The following ZSCAN2 variants were observed in gnomAD, a reference collection of about 807,000 sequenced individuals.
The protein encoded by ZSCAN2 is zinc finger and SCAN domain-containing protein 2.
A neutral mutation model predicts 47.8 loss-of-function variants in ZSCAN2; 26 were observed. The observed-to-expected ratio is 0.54, with a 90% confidence interval of 0.40 to 0.75. The LOEUF is 0.75. ZSCAN2 is among the 30% of genes least tolerant of loss of function. The pLI, the probability that ZSCAN2 is intolerant of heterozygous loss-of-function variation, is 0.00. For synonymous variants in ZSCAN2, 305 were observed against 288.7 expected (o/e 1.06, Z -0.57); for missense variants, 732 against 785.4 (o/e 0.93, Z 0.81).
intron 1 of ZSCAN2, among the ~76,000 whole-genome samples, chr15:84,602,813 T>A (rs1471070790): frequency 1.3e-5 from 2 of 152,034 alleles, no homozygotes; most frequent in Admixed American, 1.3e-4. Flanking sequence ...GGTCTCGAAC[T>A]CCTGACCTCA....
intron 2 of ZSCAN2, among the ~76,000 whole-genome samples, chr15:84,604,738 C>CTTTTTTTT (rs11459006): frequency 1.9e-4 from 25 of 128,996 alleles, no homozygotes; most frequent in Middle Eastern, 4.0e-3. Flanking sequence ...TTTCTTTTTT[C>CTTTTTTTT]TTTTTTTTTT....
Position 84,608,547 on chromosome 15 carries a change from AAAAG to A in ZSCAN2, c.406+4218_406+4221del, listed in dbSNP as rs1895451630. Among the ~76,000 whole-genome samples the A allele has an allele frequency of 3.3e-5, 5 of 151,490 alleles. No homozygotes were observed. The South Asian group carries it at 8.4e-4, about 25-fold the overall frequency. ...CTCTGTCTCAAAAAAAAAAAAAAAA[AAAAG>A]AAACTGAGGGCGATGCCCAGCATTC... On this transcript the variant is annotated intron_variant, in intron 2 of 2. Transcript: ENST00000546148.
chr15:84,608,086 A>G (rs1201456305), intron 2 of ZSCAN2, among the ~76,000 whole-genome samples: 9 of 151,974 alleles, frequency 5.9e-5, no homozygotes, highest in Non-Finnish European at 1.5e-5. Flanking sequence ...TCTTCTAGGA[A>G]CCTGTAAAAT....
chr15:84,604,622 C>T (rs1205216389), intron 2 of ZSCAN2, among the ~76,000 whole-genome samples: 4 of 152,044 alleles, frequency 2.6e-5, no homozygotes, highest in Non-Finnish European at 5.9e-5. Flanking sequence ...GGAAGTTAAA[C>T]GGGAGGAGAT....
At chr15:84,606,179 C>CT (rs1266414275) in intron 2 of ZSCAN2, among the ~76,000 whole-genome samples, 2 of 152,222 alleles carry the variant, frequency 1.3e-5, no homozygotes, top group Non-Finnish European at 2.9e-5. Context: ...GGGGCAGAGA[C>CT]TATCACAAAC....
chr15:84,612,232 T>C (rs1895570361), intron 2 of ZSCAN2: 1 of 152,228 alleles, frequency 6.6e-6, no homozygotes, highest in African/African-American at 2.4e-5. Flanking sequence ...TTCTGTCCTG[T>C]AGAATGACTC....
intron 1 of ZSCAN2, among the ~76,000 whole-genome samples, chr15:84,603,476 C>A (rs1895273923): frequency 1.3e-5 from 2 of 150,606 alleles, no homozygotes; most frequent in Non-Finnish European, 2.9e-5. Flanking sequence ...TCAAGAGATT[C>A]TCCTGCCTCA....
At chr15:84,614,628 A>C (rs1895645384) in intron 2 of ZSCAN2, 1 of 152,192 alleles carries the variant, frequency 6.6e-6, no homozygotes, top group African/African-American at 2.4e-5. Flanking sequence ...TCGAATATAG[A>C]GAAATCTTTT....
rs745537668 is a variant in ZSCAN2, at chr15:84,609,999, C to T, written c.406+5666C>T. On this transcript the variant is annotated intron_variant, in intron 2 of 2. Coordinates refer to ENST00000546148, the MANE Select transcript of ZSCAN2 (RefSeq NM_181877.4). ...TGTGGCCAGGCGAGGACACGCAGGG[C>T]CCTGTGAACGGCCACGGGAATTTGT... Among the ~76,000 whole-genome samples, 13 of 152,206 alleles carry T rather than the reference C, an allele frequency of 8.5e-5. 1 individual carries two copies. Among genetic ancestry groups the T allele is most frequent in the Non-Finnish European group, 1.9e-4 (13 of 68,036 alleles).
intron 2 of ZSCAN2, 23 bp downstream of exon 2, chr15:84,604,356 G>A (rs1450241136): frequency 1.9e-6 from 3 of 1,578,470 alleles, no homozygotes; most frequent in African/African-American, 1.3e-5. Flanking sequence ...ACCTCATAGG[G>A]AGAGGGCGGG....
chr15:84,606,408 T>C (rs1360535998), intron 2 of ZSCAN2: 1 of 778,938 alleles, frequency 1.3e-6, no homozygotes, highest in Non-Finnish European at 2.2e-6. Flanking sequence ...GACCTGTCTC[T>C]TTCTGCATGG....
At chr15:84,613,134 C>G (rs1367693774) in intron 2 of ZSCAN2, among the ~76,000 whole-genome samples, 1 of 152,064 alleles carries the variant, frequency 6.6e-6, no homozygotes. Context: ...AGAGGCCAAC[C>G]GTATTGTATG....
intron 2 of ZSCAN2, among the ~76,000 whole-genome samples, chr15:84,617,342 A>C (rs1895717549): frequency 6.6e-6 from 1 of 151,944 alleles, no homozygotes; most frequent in Non-Finnish European, 1.5e-5. Context: ...AGGCTGAGGC[A>C]GGAGAATTGC....
intron 2 of ZSCAN2, chr15:84,611,778 AAAG>A (rs1388889384): frequency 2.6e-5 from 4 of 152,118 alleles, no homozygotes; most frequent in African/African-American, 9.7e-5. Flanking sequence ...GAACAACAAA[AAAG>A]TGGATGTCTG....
intron 2 of ZSCAN2, among the ~76,000 whole-genome samples, chr15:84,613,981 C>CTTTTTTTTT (rs35815000): frequency 9.6e-5 from 5 of 52,332 alleles, no homozygotes; most frequent in Admixed American, 3.1e-4. Flanking sequence ...CTCTTGGCCT[C>CTTTTTTTTT]TTTTTTTTTT....
intron 2 of ZSCAN2, chr15:84,606,508 A>G: frequency 3.8e-6 from 6 of 1,583,990 alleles, no homozygotes; most frequent in Non-Finnish European, 5.2e-6. Flanking sequence ...AAATAAGCAA[A>G]CCTGTCTCCC....
chr15:84,620,636 T>G lies in ZSCAN2; in HGVS notation c.441T>G (p.Cys147Trp). ...FEIQSENGEN[C>W]NQDMFENESR... ...TACAGAGTGAAAATGGGGAGAACTG[T>G]AATCAAGACATGTTTGAGAATGAAT... The change falls in exon 3 of 3, where the codon TGT becomes TGG. Residue 147 changes from cysteine to tryptophan, a missense_variant. Cys to Trp is a radical substitution (Grantham distance 215). This residue lies in a region of ZSCAN2 where 320 missense variants were observed against 287.4 expected (regional missense o/e 1.11). Coordinates refer to ENST00000546148, the MANE Select transcript of ZSCAN2 (RefSeq NM_181877.4). 1.9e-6 allele frequency: 3 copies of G among 1,612,076 alleles called. No homozygotes were observed. Among genetic ancestry groups the G allele is most frequent in the Non-Finnish European group, 2.5e-6 (3 of 1,178,170 alleles).
In ZSCAN2 at chr15:84,622,745, G is replaced by A; in HGVS notation, c.*705G>A. On this transcript the variant is annotated 3_prime_UTR_variant, in exon 3 of 3. Coordinates refer to ENST00000546148, the MANE Select transcript of ZSCAN2 (RefSeq NM_181877.4). Reference sequence around the variant, plus strand: ...AGTTGGACAGGGCCTTCAGGAAAGGGGTAAACCGAGGACATTTCAGTGCTT... The same window carrying A: ...AGTTGGACAGGGCCTTCAGGAAAGGAGTAAACCGAGGACATTTCAGTGCTT... 2.8e-6 allele frequency: 2 copies of A among 711,886 alleles called. No homozygotes were observed. The highest frequency in any genetic ancestry group is 3.0e-5 in the South Asian group (2 of 66,762). The allele number at this position is 711,886 out of a possible 1,614,324, so 44.1% of individuals were successfully genotyped here.
Position 84,622,519 on chromosome 15 carries a change from C to A in ZSCAN2, c.*479C>A. On this transcript the variant is annotated 3_prime_UTR_variant, in exon 3 of 3. Coordinates refer to ENST00000546148, the MANE Select transcript of ZSCAN2 (RefSeq NM_181877.4). ...CCAAGCTGTTAGTGTTCCAGGGCACCCCAAGCTGTCAGTTAGAATCTGCTC... is the reference window on the plus strand; with the variant it reads ...CCAAGCTGTTAGTGTTCCAGGGCACACCAAGCTGTCAGTTAGAATCTGCTC... The A allele has an allele frequency of 1.5e-6, 1 of 681,274 alleles. No individual in the cohort carries two copies. Among genetic ancestry groups the A allele is most frequent in the South Asian group, 1.6e-5 (1 of 60,978 alleles). The allele number at this position is 681,274 out of a possible 1,614,324, so 42.2% of individuals were successfully genotyped here.
Sources: gnomAD v4.1 joint callset for allele counts (sites outside exome capture counted in the v4.1 genomes callset) on GRCh38, gnomAD v4.1.1 for gene constraint, gnomAD v4.1.1 regional missense constraint, MANE v1.5 for transcripts, NCBI Gene and HGNC (gene_info 2026-07-23, HGNC 2026-07-21) for gene names.